SPTBN4: variants seen among roughly 807,000 people sequenced by gnomAD.
SPTBN4 encodes spectrin beta chain, non-erythrocytic 4.
SPTBN4 carries 96 observed loss-of-function variants against 277.8 expected under a neutral mutation model. The ratio of observed to expected loss-of-function variants is 0.35; its 90% confidence interval spans 0.29 to 0.41. SPTBN4 has a LOEUF of 0.41. SPTBN4 is among the 10% of genes least tolerant of loss of function. SPTBN4 has a pLI of 1.00. For missense variants in SPTBN4, 3,006 were observed against 3,595.7 expected, an observed-to-expected ratio of 0.84 and a Z score of 4.19; for synonymous variants, 1,481 against 1,580.3, an observed-to-expected ratio of 0.94 and a Z score of 1.49.
At chr19:40,567,148 G>C in intron 30 of SPTBN4, 1 of 455,694 alleles carries the variant, frequency 2.2e-6, no homozygotes, top group South Asian at 1.5e-5. Flanking sequence ...AGAAAAAACA[G>C]CCAGGCGTGA....
Position 40,515,197 on chromosome 19 carries a change from A to T in SPTBN4, c.2766-114A>T. The T allele has an allele frequency of 8.5e-7, 1 of 1,170,524 alleles. No homozygotes were observed. Among genetic ancestry groups the T allele is most frequent in the Non-Finnish European group, 1.1e-6 (1 of 869,728 alleles). 72.5% of individuals were successfully genotyped at this position (1,170,524 alleles called of 1,614,324 possible). On this transcript the variant is annotated intron_variant, in intron 14 of 35. Coordinates refer to ENST00000598249, the MANE Select transcript of SPTBN4 (RefSeq NM_020971.3). This position sits in a 1 kb window ranked among gnomAD's most constrained non-coding sequence, Gnocchi z 4.1. ...GCAAGTAGAAGAGAAGGAGCCCACA[A>T]AGGAGGCTGAAAAGAAGGGTGGATT...
chr19:40,569,830 C>A (rs954707922), intron 32 of SPTBN4, 104 bp downstream of exon 32: 2 of 1,072,402 alleles, frequency 1.9e-6, no homozygotes, highest in African/African-American at 1.6e-5. Flanking sequence ...GACCCATTCC[C>A]TACCTGGACC....
chr19:40,541,682 ATC>A (rs1243113603), intron 20 of SPTBN4, among the ~76,000 whole-genome samples: 16 of 151,920 alleles, frequency 1.1e-4, no homozygotes, highest in African/African-American at 3.9e-4. Context: ...TCCCGTCGCC[ATC>A]TCTGTGTCTC....
intron 2 of SPTBN4, among the ~76,000 whole-genome samples, chr19:40,477,275 C>T (rs982936284): frequency 2.0e-5 from 3 of 151,820 alleles, no homozygotes; most frequent in Non-Finnish European, 4.4e-5. Flanking sequence ...ACTTGAACTC[C>T]TGGACTCAAG....
Position 40,502,780 on chromosome 19 carries a change from G to T in SPTBN4, c.1209G>T (p.Trp403Cys). 6.2e-7 allele frequency: 1 copy of T among 1,613,772 alleles called. No individual in the cohort carries two copies. The highest frequency in any genetic ancestry group is 1.1e-5 in the South Asian group (1 of 91,046). The change falls in exon 11 of 36, where the codon TGG (tryptophan) becomes TGT (cysteine). Residue 403 changes from tryptophan (W) to cysteine (C), a missense_variant. Coordinates refer to ENST00000598249, the MANE Select transcript of SPTBN4 (RefSeq NM_020971.3). This position sits in a 1 kb window ranked among gnomAD's most constrained non-coding sequence, Gnocchi z 4.9. ...GCGIWDIDKA[W>C]GELEKAEHER... ...CCTCCTCCCATCTCCTGCAGGCATG[G>T]GGTGAGCTGGAGAAGGCTGAGCATG...
At chr19:40,489,963 C>T in intron 3 of SPTBN4, 112 bp from the exon 4 acceptor site, 2 of 1,109,140 alleles carry the variant, frequency 1.8e-6, no homozygotes, top group Non-Finnish European at 2.5e-6. Context: ...TGATCCTGGA[C>T]ACTCAGGGGG....
intron 7 of SPTBN4, among the ~76,000 whole-genome samples, chr19:40,498,373 T>TTTTATTTTA (rs1555812372): frequency 2.3e-4 from 32 of 141,162 alleles, no homozygotes; most frequent in African/African-American, 5.0e-4. Flanking sequence ...TTTTATTTTA[T>TTTTATTTTA]TTTATTTATT....
chr19:40,524,033 C>A (rs763639654), intron 17 of SPTBN4, among the ~76,000 whole-genome samples: 2 of 152,142 alleles, frequency 1.3e-5, no homozygotes, highest in Non-Finnish European at 2.9e-5. Flanking sequence ...GAACTCTTGA[C>A]CACCCACCTT....
intron 5 of SPTBN4, 93 bp from the exon 6 acceptor site, chr19:40,494,804 T>G (rs2080177716): frequency 9.2e-7 from 1 of 1,089,144 alleles, no homozygotes; most frequent in Non-Finnish European, 1.4e-6. Flanking sequence ...CTCATCTTCC[T>G]TCCCTATCAT....
In SPTBN4 at chr19:40,567,812, C is replaced by G; in HGVS notation, c.6486C>G (p.Arg2162=). 1 of 1,514,056 alleles carries G rather than the reference C, an allele frequency of 6.6e-7. No homozygotes were observed. The highest frequency in any genetic ancestry group is 8.9e-7 in the Non-Finnish European group (1 of 1,129,308). 93.8% of individuals were successfully genotyped at this position (1,514,056 alleles called of 1,614,324 possible). A position where few individuals can be genotyped will look rare whatever the true frequency, so the allele number is the denominator to read the frequency against. Residue 2162 remains arginine, a synonymous_variant, in exon 31 of 36, where the codon CGC becomes CGG. Coordinates refer to ENST00000598249, the MANE Select transcript of SPTBN4 (RefSeq NM_020971.3). ...GYERGLEPLA[R]RASDTLSAEV... ...AAAGGGGCTTGGAGCCCCTGGCCCG[C>G]CGAGCCTCGGACACGCTCTCGGCCG...
intron 20 of SPTBN4, among the ~76,000 whole-genome samples, chr19:40,544,464 T>TTTTTTA (rs2080837310): frequency 2.1e-5 from 3 of 142,984 alleles, no homozygotes; most frequent in Non-Finnish European, 3.0e-5. Flanking sequence ...TTTTTTTTTT[T>TTTTTTA]GAGATGGAGT....
In SPTBN4 at chr19:40,490,327, T is replaced by C. The variant is rs1353358617; in HGVS notation, c.495+79T>C. 5.4e-6 allele frequency: 8 copies of C among 1,489,222 alleles called. No homozygotes were observed. Among genetic ancestry groups the C allele is most frequent in the Non-Finnish European group, 7.2e-6 (8 of 1,106,508 alleles). The allele number at this position is 1,489,222 out of a possible 1,614,324, so 92.3% of individuals were successfully genotyped here. A position where few individuals can be genotyped will look rare whatever the true frequency, so the allele number is the denominator to read the frequency against. On this transcript the variant is annotated intron_variant, in intron 4 of 35. Transcript: ENST00000598249. This position sits in a 1 kb window ranked among gnomAD's most constrained non-coding sequence, Gnocchi z 4.3. Reference sequence around the variant, plus strand: ...TTCCCCACCATTTACCCATTCATTCTTTCCTTCCAATAATATCCTAATATG... The same window carrying C: ...TTCCCCACCATTTACCCATTCATTCCTTCCTTCCAATAATATCCTAATATG...
chr19:40,519,881 G>A lies in SPTBN4; in HGVS notation c.3384G>A (p.Leu1128=). The part of the protein sequence containing the change: ...LPNSLEEADA[L]LARHAALKEE... ...ACAGCCTAGAAGAGGCGGACGCGCTGCTGGCGCGCCACGCTGCGCTCAAGG... is the reference window on the plus strand; with the variant it reads ...ACAGCCTAGAAGAGGCGGACGCGCTACTGGCGCGCCACGCTGCGCTCAAGG... The change falls in exon 16 of 36, where the codon CTG becomes CTA. Residue 1128 remains leucine (L), a synonymous_variant. Transcript: ENST00000598249. This position sits in a 1 kb window ranked among gnomAD's most constrained non-coding sequence, Gnocchi z 5.7. The A allele has an allele frequency of 1.3e-6, 2 of 1,510,862 alleles. No homozygotes were observed. Among genetic ancestry groups the A allele is most frequent in the South Asian group, 2.5e-5 (2 of 80,192 alleles). 93.6% of individuals were successfully genotyped at this position (1,510,862 alleles called of 1,614,324 possible).
At chr19:40,493,166 G>A in intron 5 of SPTBN4, 112 bp downstream of exon 5, 3 of 894,742 alleles carry the variant, frequency 3.4e-6, no homozygotes, top group Non-Finnish European at 5.2e-6. Context: ...GGGTCAAAAA[G>A]TTACATCTGA....
chr19:40,558,051 T>G (rs1338957754), intron 26 of SPTBN4, among the ~76,000 whole-genome samples: 1 of 151,062 alleles, frequency 6.6e-6, no homozygotes, highest in African/African-American at 2.4e-5. Flanking sequence ...TTGGCTGTGG[T>G]GTAGATAGAA....
At position 40,557,019 on chromosome 19, in the gene SPTBN4, G is replaced by A; in HGVS notation, c.5290-4G>A. 6.7e-7 allele frequency: 1 copy of A among 1,483,644 alleles called. No individual in the cohort carries two copies. Among genetic ancestry groups the A allele is most frequent in the African/African-American group, 1.4e-5 (1 of 71,412 alleles). 91.9% of individuals were successfully genotyped at this position (1,483,644 alleles called of 1,614,324 possible). A position where few individuals can be genotyped will look rare whatever the true frequency, so the allele number is the denominator to read the frequency against. ...GTACCCCCCCCCCCACTTCCTGATGGCAGGTGCTGCAGGAGAAATTCTCAG... is the reference window on the plus strand; with the variant it reads ...GTACCCCCCCCCCCACTTCCTGATGACAGGTGCTGCAGGAGAAATTCTCAG... On this transcript the variant is annotated splice_polypyrimidine_tract_variant and splice_region_variant and intron_variant, in intron 25 of 35. Transcript: ENST00000598249.
At chr19:40,558,694 G>C (rs931992671) in intron 26 of SPTBN4, among the ~76,000 whole-genome samples, 2 of 151,710 alleles carry the variant, frequency 1.3e-5, no homozygotes, top group Non-Finnish European at 2.9e-5. Flanking sequence ...TGCACCCTCT[G>C]CCTCCCAGGC....
At position 40,519,331 on chromosome 19, in the gene SPTBN4, G is replaced by C; in HGVS notation, c.2904-70G>C. The C allele has an allele frequency of 7.1e-7, 1 of 1,406,598 alleles. No homozygotes were observed. Among genetic ancestry groups the C allele is most frequent in the Non-Finnish European group, 9.2e-7 (1 of 1,081,204 alleles). The allele number at this position is 1,406,598 out of a possible 1,614,324, so 87.1% of individuals were successfully genotyped here. The stretch of plus-strand genomic sequence containing the variant: ...GTGGCTTGGGCCTGGATTCTACCCT[G>C]GGTCGGCGGGCCCTCCGCGCCCAAG... On this transcript the variant is annotated intron_variant, in intron 15 of 35. Transcript: ENST00000598249. The surrounding 1 kb of genome is among the most constrained non-coding windows in gnomAD (Gnocchi z 5.7).
At chr19:40,503,374 T>G (rs1247896448) in intron 11 of SPTBN4, among the ~76,000 whole-genome samples, 2 of 150,778 alleles carry the variant, frequency 1.3e-5, no homozygotes. Flanking sequence ...AACAGGAGGG[T>G]GGGACTTGTT....
Sources: gnomAD v4.1 joint callset for allele counts (sites outside exome capture counted in the v4.1 genomes callset) on GRCh38, gnomAD v4.1.1 for gene constraint, Gnocchi (gnomAD v3.1) non-coding constraint, MANE v1.5 for transcripts, NCBI Gene and HGNC (gene_info 2026-07-23, HGNC 2026-07-21) for gene names.